Variants in CHSY3 observed in about 807,000 individuals in gnomAD.
CHSY3 encodes the protein chondroitin sulfate synthase 3.
A neutral mutation model predicts 67.2 loss-of-function variants in CHSY3; 35 were observed. That is an observed-to-expected ratio of 0.52 (90% CI 0.40 to 0.69). The LOEUF (loss-of-function observed/expected upper bound fraction) is 0.69. Ranked by LOEUF, CHSY3 falls within the 30% of genes least tolerant of loss-of-function variation. The pLI is 0.00. For synonymous variants in CHSY3, 474 were observed against 434.7 expected, an observed-to-expected ratio of 1.09 and a Z score of -1.12; for missense variants, 1,069 against 1,138.5, an observed-to-expected ratio of 0.94 and a Z score of 0.88.
chr5:129,983,167 A>G (rs887038968), intron 2 of CHSY3, among the ~76,000 whole-genome samples: 2 of 152,084 alleles, frequency 1.3e-5, no homozygotes, highest in African/African-American at 2.4e-5. Context: ...ATGTTTGTGT[A>G]TTTTAACTCG....
At chr5:129,964,623 T>G (rs1762422743) in intron 2 of CHSY3, among the ~76,000 whole-genome samples, 1 of 151,792 alleles carries the variant, frequency 6.6e-6, no homozygotes, top group Non-Finnish European at 1.5e-5. Context: ...AGCCACTCTT[T>G]AACAGTCTGG....
intron 2 of CHSY3, among the ~76,000 whole-genome samples, chr5:130,003,035 C>A (rs1763776868): frequency 6.6e-6 from 1 of 152,196 alleles, no homozygotes; most frequent in African/African-American, 2.4e-5. Context: ...CAGGACTTCT[C>A]AGATGACTTT....
rs143342064 is a variant in CHSY3, at chr5:130,037,109, G to A, written c.1086+128749G>A. 5.9e-4 allele frequency among the ~76,000 whole-genome samples: 90 copies of A among 152,280 alleles called. 1 individual carries two copies. Among genetic ancestry groups the A allele is most frequent in the Middle Eastern group, 3.4e-3 (1 of 294 alleles). On this transcript the variant is annotated intron_variant, in intron 2 of 2. Coordinates refer to ENST00000305031, the MANE Select transcript of CHSY3 (RefSeq NM_175856.5). ...AAAGAACGAAACATGCATAGCAAGAGAGACTTCCTTTTACTCAGTGGGATA... is the reference window on the plus strand; with the variant it reads ...AAAGAACGAAACATGCATAGCAAGAAAGACTTCCTTTTACTCAGTGGGATA...
chr5:129,906,001 G>C (rs1760278892), intron 1 of CHSY3: 1 of 260,604 alleles, frequency 3.8e-6, no homozygotes, highest in African/African-American at 2.2e-5. Context: ...GCTGATGGTA[G>C]TTTCCCCAAT....
intron 2 of CHSY3, among the ~76,000 whole-genome samples, chr5:129,937,279 C>A (rs898735773): frequency 1.3e-5 from 2 of 152,096 alleles, no homozygotes; most frequent in African/African-American, 4.8e-5. Flanking sequence ...ACATGGCTGG[C>A]AAGAGAGACA....
chr5:130,008,854 G>A (rs781398296), intron 2 of CHSY3, among the ~76,000 whole-genome samples: 31 of 152,046 alleles, frequency 2.0e-4, no homozygotes, highest in Admixed American at 7.9e-4. Context: ...GGTAAGGTGA[G>A]GTAAAAATCT....
intron 2 of CHSY3, among the ~76,000 whole-genome samples, chr5:130,109,049 G>A (rs1193502555): frequency 1.3e-5 from 2 of 151,744 alleles, no homozygotes; most frequent in East Asian, 1.9e-4. Context: ...CTTCAGTCAT[G>A]TTCTATAGTT....
chr5:129,954,816 G>A (rs1352491669), intron 2 of CHSY3, among the ~76,000 whole-genome samples: 2 of 152,032 alleles, frequency 1.3e-5, no homozygotes, highest in Non-Finnish European at 2.9e-5. Context: ...TGTGATTTTT[G>A]CACATTGATT....
chr5:130,107,840 G>T (rs894998533), intron 2 of CHSY3, among the ~76,000 whole-genome samples: 2 of 151,572 alleles, frequency 1.3e-5, no homozygotes, highest in African/African-American at 4.8e-5. Flanking sequence ...ACTCAAATCA[G>T]TTGGCTGCTT....
chr5:129,904,087 G>A (rs1217244730), upstream of CHSY3, among the ~76,000 whole-genome samples: 1 of 152,030 alleles, frequency 6.6e-6, no homozygotes, highest in Non-Finnish European at 1.5e-5. Context: ...GAGCCTAGGC[G>A]CCGGGAGGAG....
Position 130,089,581 on chromosome 5 carries a change from G to T in CHSY3, c.1087-94648G>T, listed in dbSNP as rs78013648. Among the ~76,000 whole-genome samples, 655 of 152,158 alleles carry T rather than the reference G, an allele frequency of 4.3e-3. 5 individuals are homozygous for T. The highest frequency in any genetic ancestry group is 0.014 in the African/African-American group (590 of 41,520). ...TCAGCATCAGATCTATTTGTGACAG[G>T]AGAAACACAAGTGTTGGTTGAAAAA... On this transcript the variant is annotated intron_variant, in intron 2 of 2. Coordinates refer to ENST00000305031, the MANE Select transcript of CHSY3 (RefSeq NM_175856.5).
chr5:130,133,790 A>AAAAAAG (rs1768565927), intron 2 of CHSY3, among the ~76,000 whole-genome samples: 9 of 118,280 alleles, frequency 7.6e-5, no homozygotes, highest in African/African-American at 2.6e-4. Context: ...AAAAAAAAAA[A>AAAAAAG]AAAAAGAAAA....
intron 2 of CHSY3, among the ~76,000 whole-genome samples, chr5:130,009,758 A>C (rs1763993218): frequency 6.6e-6 from 1 of 152,202 alleles, no homozygotes; most frequent in Non-Finnish European, 1.5e-5. Flanking sequence ...TCTCCCATGC[A>C]GTGACACCCA....
intron 2 of CHSY3, among the ~76,000 whole-genome samples, chr5:130,124,677 C>T (rs566670171): frequency 3.9e-5 from 6 of 152,198 alleles, no homozygotes; most frequent in South Asian, 4.1e-4. Context: ...AGGCTGATTT[C>T]GAACTCCCCA....
At chr5:130,081,868 G>T (rs1766457596) in intron 2 of CHSY3, among the ~76,000 whole-genome samples, 1 of 151,918 alleles carries the variant, frequency 6.6e-6, no homozygotes. Flanking sequence ...GTAAGAAAAT[G>T]GACTAATACA....
At chr5:129,957,829 T>C (rs777636899) in intron 2 of CHSY3, among the ~76,000 whole-genome samples, 12 of 152,106 alleles carry the variant, frequency 7.9e-5, no homozygotes, top group Non-Finnish European at 1.5e-4. Flanking sequence ...AACACTTGTG[T>C]CCTTCAAATC....
intron 2 of CHSY3, among the ~76,000 whole-genome samples, chr5:130,164,199 T>C (rs945128367): frequency 4.6e-5 from 7 of 152,204 alleles, no homozygotes; most frequent in African/African-American, 1.7e-4. Context: ...GATCTATATC[T>C]TCCTTGAGGA....
At chr5:130,058,631 AG>A (rs1765612351) in intron 2 of CHSY3, among the ~76,000 whole-genome samples, 1 of 152,246 alleles carries the variant, frequency 6.6e-6, no homozygotes, top group Non-Finnish European at 1.5e-5. Flanking sequence ...CGTCTCAAAA[AG>A]AAAAAAGAGG....
At chr5:130,056,802 A>C (rs1157809466) in intron 2 of CHSY3, among the ~76,000 whole-genome samples, 1 of 152,110 alleles carries the variant, frequency 6.6e-6, no homozygotes, top group Non-Finnish European at 1.5e-5. Flanking sequence ...TAGGAATAAT[A>C]AGAGTATCTG....
Sources: gnomAD v4.1 joint callset for allele counts (sites outside exome capture counted in the v4.1 genomes callset) on GRCh38, gnomAD v4.1.1 for gene constraint, MANE v1.5 for transcripts, NCBI Gene and HGNC (gene_info 2026-07-23, HGNC 2026-07-21) for gene names.